Variants in WNK1 observed in about 807,000 individuals in gnomAD.
The protein encoded by WNK1 is serine/threonine-protein kinase WNK1.
Under a neutral mutation model 222.8 loss-of-function variants are expected in WNK1, and 38 were observed. The ratio of observed to expected loss-of-function variants is 0.17; its 90% CI spans 0.13 to 0.22. The LOEUF (loss-of-function observed/expected upper bound fraction) is 0.22, where lower values mean the gene tolerates loss of function less well. WNK1 is among the 10% of genes least tolerant of loss of function. The pLI is 1.00. For synonymous variants in WNK1, 1,090 were observed against 1,092.9 expected, an observed-to-expected ratio of 1.00 and a Z score of 0.05; for missense variants, 2,348 against 2,918.4, an observed-to-expected ratio of 0.80 and a Z score of 4.50.
chr12:895,172 T>C (rs1271287753), intron 23 of WNK1, among the ~76,000 whole-genome samples: 1 of 152,246 alleles, frequency 6.6e-6, no homozygotes, highest in Non-Finnish European at 1.5e-5. Context: ...TTGTCCAACA[T>C]GTGAGCATTT....
intron 2 of WNK1, among the ~76,000 whole-genome samples, chr12:825,323 A>G (rs1304531133): frequency 7.2e-5 from 11 of 152,104 alleles, no homozygotes; most frequent in South Asian, 4.1e-4. Flanking sequence ...CTGCTATTTG[A>G]TTTTTAGTTA....
chr12:862,034 G>A (rs752086495), intron 7 of WNK1, 49 bp from the exon 8 acceptor site: 1 of 1,609,118 alleles, frequency 6.2e-7, no homozygotes, highest in Middle Eastern at 1.9e-4. Context: ...TCCATTTTGT[G>A]ATTTGTCTTT....
At chr12:829,944 G>A in intron 3 of WNK1, 59 bp from the exon 4 acceptor site, 4 of 1,595,746 alleles carry the variant, frequency 2.5e-6, no homozygotes, top group Admixed American at 3.3e-5. Context: ...TTCTCACCCC[G>A]GTGAGTAACG....
intron 1 of WNK1, among the ~76,000 whole-genome samples, chr12:785,410 AC>A (rs145783657): frequency 3.6e-5 from 3 of 84,204 alleles, no homozygotes; most frequent in Admixed American, 1.3e-4. Flanking sequence ...CCCCCCCCCC[AC>A]CCCCTCGAAG....
chr12:844,498 A>G (rs1000749966), intron 4 of WNK1, among the ~76,000 whole-genome samples: 1 of 152,158 alleles, frequency 6.6e-6, no homozygotes, highest in African/African-American at 2.4e-5. Context: ...GGAATAAAAA[A>G]CTTGAAGAGT....
chr12:783,094 G>A (rs907300594), intron 1 of WNK1, among the ~76,000 whole-genome samples: 9 of 150,766 alleles, frequency 6.0e-5, no homozygotes, highest in Non-Finnish European at 1.3e-4. Flanking sequence ...TTGTAGAGAC[G>A]GGGGTAGGGT....
At chr12:770,258 G>A (rs927342397) in intron 1 of WNK1, among the ~76,000 whole-genome samples, 1 of 152,224 alleles carries the variant, frequency 6.6e-6, no homozygotes, top group Non-Finnish European at 1.5e-5. Context: ...ATAGGCGTGA[G>A]CCACTGCGCC....
At chr12:866,638 G>A (rs1830344171) in intron 8 of WNK1, among the ~76,000 whole-genome samples, 1 of 152,160 alleles carries the variant, frequency 6.6e-6, no homozygotes. Flanking sequence ...GGGATTACAG[G>A]CGTGAGCCAC....
chr12:868,709 G>C, intron 8 of WNK1: 1 of 1,613,918 alleles, frequency 6.2e-7, no homozygotes, highest in Non-Finnish European at 8.5e-7. Context: ...AAATCGGCAG[G>C]TTGCAGTGGA....
At chr12:904,650 A>G (rs547746376) in intron 26 of WNK1, among the ~76,000 whole-genome samples, 1 of 152,316 alleles carries the variant, frequency 6.6e-6, no homozygotes, top group Admixed American at 6.5e-5. Context: ...TTGAGAAATC[A>G]TCTCCTAGTC....
rs757732497 is a variant in WNK1, at chr12:861,182, G to C, written c.1790G>C (p.Ser597Thr). ...SSLKQQVEQS[S>T]ASQTGIKQLP... ...CTCAAACAGCAGGTAGAACAATCCAGTGCTTCCCAGACAGGAATCAAGCAG... is the reference window on the plus strand; with the variant it reads ...CTCAAACAGCAGGTAGAACAATCCACTGCTTCCCAGACAGGAATCAAGCAG... Residue 597 changes from serine to threonine, a missense_variant, in exon 7 of 28, where the codon AGT (serine) becomes ACT (threonine). Around this residue, in one of 13 missense-constraint regions of WNK1, gnomAD observed 103 missense variants for 111.5 expected, o/e 0.92. Transcript: ENST00000315939. 1 of 1,613,794 alleles carries C rather than the reference G, an allele frequency of 6.2e-7. No homozygotes were observed. Among genetic ancestry groups the C allele is most frequent in the Non-Finnish European group, 8.5e-7 (1 of 1,179,962 alleles).
intron 4 of WNK1, among the ~76,000 whole-genome samples, chr12:832,057 GTTTATT>G (rs993114550): frequency 7.9e-5 from 12 of 151,902 alleles, no homozygotes; most frequent in Non-Finnish European, 1.0e-4. Context: ...GAATGGAAAT[GTTTATT>G]TTTAATTTTT....
At chr12:888,149 A>G (rs1372796995) in intron 20 of WNK1, among the ~76,000 whole-genome samples, 1 of 152,238 alleles carries the variant, frequency 6.6e-6, no homozygotes, top group Non-Finnish European at 1.5e-5. Context: ...TTTGAATCAT[A>G]TATAAGAAAT....
intron 8 of WNK1, among the ~76,000 whole-genome samples, chr12:866,992 G>T (rs190740501): frequency 6.6e-6 from 1 of 152,014 alleles, no homozygotes; most frequent in Admixed American, 6.6e-5. Flanking sequence ...GCGTGGTGGC[G>T]CACGCGTGTA....
Position 896,683 on chromosome 12 carries a change from G to A in WNK1, c.6196G>A (p.Asp2066Asn). ...SSYMSSDNES[D>N]IEDEDLKLEL... ...TTACATGAGTAGCGACAATGAGTCAGATATCGAAGATGAAGACTTAAAGTT... is the reference window on the plus strand; with the variant it reads ...TTACATGAGTAGCGACAATGAGTCAAATATCGAAGATGAAGACTTAAAGTT... The change falls in exon 24 of 28, where the codon GAT becomes AAT. Residue 2066 changes from aspartate (D) to asparagine (N), a missense_variant. By Grantham distance (23) the Asp-to-Asn change is conservative. Around this residue, in one of 13 missense-constraint regions of WNK1, gnomAD observed 1,144 missense variants for 1,273.6 expected, o/e 0.90. Transcript: ENST00000315939. The A allele has an allele frequency of 6.2e-7, 1 of 1,610,116 alleles. No individual in the cohort carries two copies. Among genetic ancestry groups the A allele is most frequent in the South Asian group, 1.1e-5 (1 of 90,754 alleles).
intron 19 of WNK1, 118 bp downstream of exon 19, chr12:886,202 T>G: frequency 1.1e-6 from 1 of 906,456 alleles, no homozygotes; most frequent in South Asian, 2.0e-5. Flanking sequence ...GTACCTGGCT[T>G]ATAGTATTTA....
At chr12:864,453 T>C (rs1196673762) in intron 8 of WNK1, among the ~76,000 whole-genome samples, 4 of 152,260 alleles carry the variant, frequency 2.6e-5, no homozygotes, top group African/African-American at 9.6e-5. Context: ...ATTCTCCCAT[T>C]GATTACTTTG....
rs72647372 is a variant in WNK1 at position 754,143 on chromosome 12, C to A, written c.578C>A (p.Pro193Gln). ...SGSGGGSAKE[P>Q]QEERSQQQDD... ...AGCGGCGGCGGCAGCGCCAAGGAGC[C>A]ACAGGAGGAACGGAGCCAGCAGCAG... The change falls in exon 1 of 28, where the codon CCA (proline) becomes CAA (glutamine). Residue 193 changes from proline to glutamine, a missense_variant. Physicochemically the swap from Pro to Gln is moderately conservative, Grantham distance 76 (BLOSUM62 -1). This residue lies in a region of WNK1 where 185 missense variants were observed against 159.2 expected (regional missense o/e 1.16). Coordinates refer to ENST00000315939, the MANE Select transcript of WNK1 (RefSeq NM_018979.4). The A allele has an allele frequency of 1.1e-3, 1,765 of 1,612,788 alleles. 1 individual carries two copies. Among genetic ancestry groups the A allele is most frequent in the Non-Finnish European group, 1.4e-3 (1,650 of 1,180,034 alleles).
chr12:829,292 T>C (rs1948615009), intron 3 of WNK1, among the ~76,000 whole-genome samples: 1 of 152,202 alleles, frequency 6.6e-6, no homozygotes, highest in South Asian at 2.1e-4. Context: ...TGTGTGTGTT[T>C]GTCTTTTTGC....
Sources: gnomAD v4.1 joint callset for allele counts (sites outside exome capture counted in the v4.1 genomes callset) on GRCh38, gnomAD v4.1.1 for gene constraint, gnomAD v4.1.1 regional missense constraint, MANE v1.5 for transcripts, NCBI Gene and HGNC (gene_info 2026-07-23, HGNC 2026-07-21) for gene names.